The following POM121C variants were observed in gnomAD, a reference collection of about 807,000 sequenced individuals.
POM121C encodes POM121 transmembrane nucleoporin C, also known as nuclear envelope pore membrane protein POM 121C.
A neutral mutation model predicts 66.4 loss-of-function variants in POM121C; 20 were observed. The observed-to-expected ratio is 0.30, with a 90% CI of 0.21 to 0.44. The LOEUF is 0.44. Among genes scored for constraint, POM121C ranks in the 20% least tolerant of loss-of-function variants. The probability of loss-of-function intolerance (pLI) is 1.00; values close to 1 mark genes in which losing one functional copy is unlikely to be tolerated. For synonymous variants in POM121C, 286 were observed against 528.0 expected (o/e 0.54, Z 6.28); for missense variants, 580 against 1,225.7 (o/e 0.47, Z 7.87).
chr7:75,430,063 G>A (rs1554472157), intron 7 of POM121C, among the ~76,000 whole-genome samples: 3 of 152,076 alleles, frequency 2.0e-5, no homozygotes, highest in Non-Finnish European at 4.4e-5. Context: ...AAGTAAACAA[G>A]GTCAATATTA....
chr7:75,428,301 G>A lies in POM121C; in HGVS notation c.481-1848C>T, dbSNP rs147014525. On this transcript the variant is annotated intron_variant, in intron 7 of 14. Transcript: ENST00000615331. Reference sequence around the variant, plus strand: ...ACTACAGGAGCATGCCACCACAGCCGGCTAATTTTTGTATCTTTAGTAGAG... The same window carrying A: ...ACTACAGGAGCATGCCACCACAGCCAGCTAATTTTTGTATCTTTAGTAGAG... Among the ~76,000 whole-genome samples, 227 of 152,196 alleles carry A rather than the reference G, an allele frequency of 1.5e-3. 3 individuals are homozygous for A. In the East Asian group the frequency reaches 0.036, roughly 24 times the overall value.
At chr7:75,484,625 C>T (rs1554480606) in intron 1 of POM121C, among the ~76,000 whole-genome samples, 3 of 132,758 alleles carry the variant, frequency 2.3e-5, no homozygotes, top group South Asian at 2.4e-4. Flanking sequence ...GCCGAGACCA[C>T]GCTGTTGCAT....
At chr7:75,429,361 G>A (rs1790079677) in intron 7 of POM121C, among the ~76,000 whole-genome samples, 1 of 152,242 alleles carries the variant, frequency 6.6e-6, no homozygotes, top group African/African-American at 2.4e-5. Context: ...GCCAGGCACT[G>A]TGGCTCATGC....
At chr7:75,429,655 C>T (rs587762113) in intron 7 of POM121C, among the ~76,000 whole-genome samples, 12 of 149,136 alleles carry the variant, frequency 8.0e-5, no homozygotes, top group African/African-American at 2.3e-4. Flanking sequence ...AAACCAGATA[C>T]CTAGAAATAA....
Position 75,424,110 on chromosome 7 carries a change from G to A in POM121C, c.987C>T (p.Thr329=). The change falls in exon 12 of 15, where the codon ACC becomes ACT. Residue 329 remains threonine (T), a synonymous_variant. Coordinates refer to ENST00000615331, the MANE Select transcript of POM121C (RefSeq NM_001099415.3). ...TCTTCAAGCTCTCTAACAGTGGGTT[G>A]GTGCTTGGGGCCAGGAGGGAGGTGG... ...SPPTSLLAPS[T]NPLLESLKKM... is the part of the protein sequence containing the mutation. 2 of 1,611,956 alleles carry A rather than the reference G, an allele frequency of 1.2e-6. No individual in the cohort carries two copies. Among genetic ancestry groups the A allele is most frequent in the Non-Finnish European group, 1.7e-6 (2 of 1,179,850 alleles).
At position 75,424,244 on chromosome 7, in the gene POM121C, T is replaced by G. The variant is rs1584648346; in HGVS notation, c.872-19A>C. Reference sequence around the variant, plus strand: ...GCAGCATCTAAGAAAGAAAGAAAGGTGAAGCAGTCCTGGCTTGTCTGGGAC... The same window carrying G: ...GCAGCATCTAAGAAAGAAAGAAAGGGGAAGCAGTCCTGGCTTGTCTGGGAC... On this transcript the variant is annotated intron_variant, in intron 11 of 14. Coordinates refer to ENST00000615331, the MANE Select transcript of POM121C (RefSeq NM_001099415.3). 1 of 1,610,800 alleles carries G rather than the reference T, an allele frequency of 6.2e-7. No homozygotes were observed. Among genetic ancestry groups the G allele is most frequent in the Non-Finnish European group, 8.5e-7 (1 of 1,179,094 alleles).
At chr7:75,444,144 G>C (rs1163137812) in intron 3 of POM121C, among the ~76,000 whole-genome samples, 5 of 134,850 alleles carry the variant, frequency 3.7e-5, no homozygotes, top group African/African-American at 1.3e-4. Context: ...GGGCAACTCA[G>C]AGAGATGAGA....
chr7:75,431,313 T>C (rs782803581), intron 7 of POM121C, among the ~76,000 whole-genome samples: 11 of 151,968 alleles, frequency 7.2e-5, no homozygotes, highest in Admixed American at 1.3e-4. Flanking sequence ...CTGGTAAGAA[T>C]ATAAACCGGG....
intron 11 of POM121C, 83 bp downstream of exon 11, chr7:75,424,443 C>T: frequency 6.5e-7 from 1 of 1,545,992 alleles, no homozygotes; most frequent in Admixed American, 1.8e-5. Context: ...CCCAGAGAAA[C>T]CCATTTTTCC....
Position 75,421,956 on chromosome 7 carries a change from T to G in POM121C, c.2296A>C (p.Thr766Pro), listed in dbSNP as rs781905710. The G allele has an allele frequency of 1.7e-5, 27 of 1,613,748 alleles. 1 individual carries two copies. The highest frequency in any genetic ancestry group is 2.2e-5 in the Non-Finnish European group (26 of 1,179,866). ...GCCGAGTGCGTGGCACCGCCAAAGG[T>G]AGGCTGGATGGGCGTAGGCACGTGC... ...PAHVPTPIQPTFGGATHSAFG... is the reference protein window; with the variant it reads ...PAHVPTPIQPPFGGATHSAFG... Residue 766 changes from threonine to proline, a missense_variant, in exon 13 of 15, where the codon ACC (threonine) becomes CCC (proline). Physicochemically the swap from Thr to Pro is conservative, Grantham distance 38. Transcript: ENST00000615331.
intron 13 of POM121C, 21 bp from the exon 14 acceptor site, chr7:75,419,463 A>C: frequency 1.9e-6 from 3 of 1,612,474 alleles, no homozygotes; most frequent in Non-Finnish European, 2.5e-6. Context: ...GAGAACAGAG[A>C]GCTAGCCAGT....
chr7:75,475,416 A>T lies in POM121C; in HGVS notation c.-457-228T>A, dbSNP rs2923695. 3.2e-3 allele frequency among the ~76,000 whole-genome samples: 487 copies of T among 151,916 alleles called. 1 individual carries two copies. The highest frequency in any genetic ancestry group is 4.8e-3 in the Non-Finnish European group (325 of 67,792). The stretch of plus-strand genomic sequence containing the variant: ...GAGCTCCTATTTTGCAACTGAACTG[A>T]GTTTTGGGGATATGAGATGAGTGAA... On this transcript the variant is annotated intron_variant, in intron 1 of 14. Transcript: ENST00000615331.
At position 75,425,743 on chromosome 7, in the gene POM121C, G is replaced by A. The variant is rs1178769946; in HGVS notation, c.573-35C>T. 5 of 1,569,956 alleles carry A rather than the reference G, an allele frequency of 3.2e-6. No individual in the cohort carries two copies. In the Admixed American group the frequency reaches 7.9e-5, roughly 25 times the overall value. The stretch of plus-strand genomic sequence containing the variant: ...AAAAAGGAACAATTTAGTCTAGAAA[G>A]ACTTCTTGGCTGAAGTATTAAATAA... On this transcript the variant is annotated intron_variant, in intron 8 of 14. Transcript: ENST00000615331.
intron 3 of POM121C, among the ~76,000 whole-genome samples, chr7:75,457,398 A>G (rs2923709): frequency 7.7e-6 from 1 of 129,722 alleles, no homozygotes; most frequent in Non-Finnish European, 1.6e-5. Context: ...CCCAACCCCC[A>G]CAAAAGGAGC....
At chr7:75,448,336 T>G (rs1462751009) in intron 3 of POM121C, among the ~76,000 whole-genome samples, 3 of 124,898 alleles carry the variant, frequency 2.4e-5, no homozygotes, top group Admixed American at 7.9e-5. Context: ...CAAATGGAAA[T>G]CTGGATCTAC....
At position 75,486,087 on chromosome 7, in the gene POM121C, G is replaced by C. The variant is rs1437640813; in HGVS notation, c.-681C>G. 1 of 380,166 alleles carries C rather than the reference G, an allele frequency of 2.6e-6. No individual in the cohort carries two copies. Among genetic ancestry groups the C allele is most frequent in the Non-Finnish European group, 5.1e-6 (1 of 197,236 alleles). The allele number at this position is 380,166 out of a possible 1,614,324, so 23.5% of individuals were successfully genotyped here. On this transcript the variant is annotated 5_prime_UTR_variant, in exon 1 of 15. Transcript: ENST00000615331. ...GGCTCCCGGCCCCTCTGGCCCCAGC[G>C]CCGCCGGCTCCGGGGTTCACGCTCG...
intron 7 of POM121C, among the ~76,000 whole-genome samples, chr7:75,430,139 CT>C (rs1390760831): frequency 1.3e-5 from 2 of 152,020 alleles, no homozygotes; most frequent in Non-Finnish European, 1.5e-5. Context: ...TATCTCAAAA[CT>C]TTTTTTTGTG....
At chr7:75,476,539 T>C (rs1440804253) in intron 1 of POM121C, among the ~76,000 whole-genome samples, 4 of 152,054 alleles carry the variant, frequency 2.6e-5, no homozygotes, top group Non-Finnish European at 5.9e-5. Context: ...GAGGCAGAGC[T>C]GCTAGGCTGG....
chr7:75,481,025 CA>C (rs199941717), intron 1 of POM121C, among the ~76,000 whole-genome samples: 2 of 136,650 alleles, frequency 1.5e-5, no homozygotes, highest in African/African-American at 2.8e-5. Context: ...TCAAATAGTT[CA>C]AAAAATATAT....
Sources: allele counts gnomAD v4.1 joint callset (sites outside exome capture counted in the v4.1 genomes callset), GRCh38; gene constraint gnomAD v4.1.1; transcripts MANE v1.5; gene names NCBI Gene and HGNC (gene_info 2026-07-23, HGNC 2026-07-21).